Variants in HDAC4 observed in about 807,000 individuals in gnomAD.
HDAC4 encodes the protein histone deacetylase 4.
Under a neutral mutation model 135.1 loss-of-function variants are expected in HDAC4, and 16 were observed. The observed-to-expected ratio is 0.12, with a 90% confidence interval of 0.08 to 0.18. The LOEUF (loss-of-function observed/expected upper bound fraction) is 0.18, where lower values mean the gene tolerates loss of function less well. HDAC4 is among the 10% of genes least tolerant of loss of function. The pLI is 1.00. For missense variants in HDAC4, 1,143 were observed against 1,511.8 expected (o/e 0.76, Z 4.05); for synonymous variants, 685 against 653.4 (o/e 1.05, Z -0.74).
At chr2:239,371,461 A>ACC (rs1694610974) in intron 1 of HDAC4, among the ~76,000 whole-genome samples, 1 of 151,994 alleles carries the variant, frequency 6.6e-6, no homozygotes, top group Admixed American at 6.6e-5. Context: ...GCACACTCAC[A>ACC]CCCAGGCACT....
At chr2:239,147,655 G>A (rs191454878) in intron 7 of HDAC4, among the ~76,000 whole-genome samples, 14 of 152,378 alleles carry the variant, frequency 9.2e-5, no homozygotes, top group African/African-American at 2.2e-4. Context: ...GCATCAGGCC[G>A]GAGGCCTCAT....
chr2:239,110,262 A>C (rs1237922753), intron 14 of HDAC4, among the ~76,000 whole-genome samples: 1 of 152,250 alleles, frequency 6.6e-6, no homozygotes, highest in Non-Finnish European at 1.5e-5. Flanking sequence ...GTTTTTCTTT[A>C]CAATGAACAT....
At chr2:239,151,921 C>T (rs1026713006) in intron 7 of HDAC4, among the ~76,000 whole-genome samples, 8 of 152,182 alleles carry the variant, frequency 5.3e-5, no homozygotes, top group East Asian at 1.9e-4. Context: ...GTGGAGTGCA[C>T]GGTTTTCAGT....
At chr2:239,315,273 ACCTTGGG>A in intron 2 of HDAC4, among the ~76,000 whole-genome samples, 1 of 152,276 alleles carries the variant, frequency 6.6e-6, no homozygotes, top group East Asian at 1.9e-4. Context: ...TTCCCCGACC[ACCTTGGG>A]CACATGTTGT....
At chr2:239,138,117 G>A (rs2041100055) in intron 9 of HDAC4, among the ~76,000 whole-genome samples, 1 of 152,168 alleles carries the variant, frequency 6.6e-6, no homozygotes, top group Non-Finnish European at 1.5e-5. Flanking sequence ...GCATTATAAG[G>A]CTTATTACTG....
chr2:239,245,769 C>A lies in HDAC4; in HGVS notation c.23-9105G>T, dbSNP rs1195732229. ...ATGCCAGGAATAAAGACGAGCCTGC[C>A]CCCACCTTCTATTCAATATGTCTTT... is the stretch of plus-strand genomic sequence containing the variant. On this transcript the variant is annotated intron_variant, in intron 2 of 26. Transcript: ENST00000543185. The surrounding 1 kb of genome is among the most constrained non-coding windows in gnomAD (Gnocchi z 4.4). 1.3e-5 allele frequency among the ~76,000 whole-genome samples: 2 copies of A among 152,112 alleles called. No individual in the cohort carries two copies. Among genetic ancestry groups the A allele is most frequent in the Non-Finnish European group, 2.9e-5 (2 of 68,020 alleles).
At chr2:239,149,287 C>T (rs1452467752) in intron 7 of HDAC4, among the ~76,000 whole-genome samples, 2 of 151,840 alleles carry the variant, frequency 1.3e-5, no homozygotes, top group Admixed American at 1.3e-4. Context: ...GTAGTCCCAG[C>T]TACTCAGGAG....
At chr2:239,281,183 T>TA (rs1212787023) in intron 2 of HDAC4, among the ~76,000 whole-genome samples, 4 of 86,180 alleles carry the variant, frequency 4.6e-5, no homozygotes, top group African/African-American at 4.6e-5. Flanking sequence ...CACACCACTC[T>TA]CAATGTACAC....
At chr2:239,088,960 C>T (rs370177869) in intron 18 of HDAC4, among the ~76,000 whole-genome samples, 3 of 152,096 alleles carry the variant, frequency 2.0e-5, no homozygotes, top group African/African-American at 7.2e-5. Context: ...TTCCAAATGA[C>T]CAACGCACGG....
chr2:239,183,841 T>C (rs2044311943), intron 4 of HDAC4, among the ~76,000 whole-genome samples: 1 of 152,050 alleles, frequency 6.6e-6, no homozygotes, highest in Admixed American at 6.6e-5. Flanking sequence ...GCAACATCTC[T>C]TCACCTTCCT....
At chr2:239,320,413 C>CAAAT (rs1173287023) in intron 2 of HDAC4, among the ~76,000 whole-genome samples, 1 of 10,146 alleles carries the variant, frequency 9.9e-5, no homozygotes, top group Non-Finnish European at 1.8e-4. Context: ...AGTGATAAAT[C>CAAAT]AAACAAACAA....
rs1356592824 is a variant in HDAC4 at position 239,167,800 on chromosome 2, T to C, written c.491-3877A>G. On this transcript the variant is annotated intron_variant, in intron 5 of 26. Transcript: ENST00000543185. This position sits in a 1 kb window ranked among gnomAD's most constrained non-coding sequence, Gnocchi z 4.1. ...CATGGAGGCTTCTACAGAGGCTCTATGAGATGCCAGCCCGTTCTGGCCAGC... is the reference window on the plus strand; with the variant it reads ...CATGGAGGCTTCTACAGAGGCTCTACGAGATGCCAGCCCGTTCTGGCCAGC... Among the ~76,000 whole-genome samples the C allele has an allele frequency of 2.0e-5, 3 of 151,546 alleles. No homozygotes were observed. Among genetic ancestry groups the C allele is most frequent in the African/African-American group, 7.3e-5 (3 of 41,142 alleles).
intron 6 of HDAC4, 126 bp downstream of exon 6, chr2:239,163,677 T>C (rs1575251411): frequency 9.9e-7 from 1 of 1,010,004 alleles, no homozygotes; most frequent in South Asian, 1.3e-5. Context: ...GTGCTTGGGG[T>C]TTCAATTCCT....
chr2:239,124,964 C>T lies in HDAC4; in HGVS notation c.1533+1492G>A, dbSNP rs1340441779. Among the ~76,000 whole-genome samples, 2 of 150,460 alleles carry T rather than the reference C, an allele frequency of 1.3e-5. 1 individual carries two copies. The highest frequency in any genetic ancestry group is 4.9e-5 in the African/African-American group (2 of 40,748). ...ATGACATTCCACGTTATGTGACATT[C>T]TGGTGTGCTGGCGTGTGGCCGCGTT... On this transcript the variant is annotated intron_variant, in intron 12 of 26. Transcript: ENST00000543185.
intron 5 of HDAC4, among the ~76,000 whole-genome samples, chr2:239,170,031 A>G (rs996977792): frequency 1.3e-5 from 2 of 152,222 alleles, no homozygotes; most frequent in African/African-American, 4.8e-5. Flanking sequence ...TACCAGTTAA[A>G]GTGAAAAAAC....
At chr2:239,087,362 C>A (rs2036075086) in intron 19 of HDAC4, among the ~76,000 whole-genome samples, 197 bp downstream of exon 19, 1 of 152,236 alleles carries the variant, frequency 6.6e-6, no homozygotes, top group Non-Finnish European at 1.5e-5. Flanking sequence ...TCCGTCATAA[C>A]CGAGCAGTGA....
intron 2 of HDAC4, among the ~76,000 whole-genome samples, chr2:239,284,413 G>A (rs187908873): frequency 6.6e-6 from 1 of 152,266 alleles, no homozygotes; most frequent in East Asian, 1.9e-4. Context: ...GCTCCATCAC[G>A]GGGACCCTCC....
rs776712988 is a variant in HDAC4, at chr2:239,139,786, G to A, written c.876C>T (p.Cys292=). The A allele has an allele frequency of 6.2e-7, 1 of 1,613,806 alleles. No individual in the cohort carries two copies. The highest frequency in any genetic ancestry group is 8.5e-7 in the Non-Finnish European group (1 of 1,179,896). The change falls in exon 9 of 27, where the codon TGC becomes TGT. Residue 292 remains cysteine (C), a synonymous_variant. Transcript: ENST00000543185. This position sits in a 1 kb window ranked among gnomAD's most constrained non-coding sequence, Gnocchi z 5.3. ...KRPLDVTDSA[C]SSAPGSGPSS... ...TGGGTCCGGAGCCTGGGGCGCTGCT[G>A]CACGCGGAGTCTGCGGAGGCAGAAA...
intron 2 of HDAC4, among the ~76,000 whole-genome samples, chr2:239,257,615 C>T (rs890271702): frequency 4.6e-5 from 7 of 152,072 alleles, no homozygotes; most frequent in Admixed American, 3.9e-4. Flanking sequence ...ATAAATGGAC[C>T]CTCAACAATT....
Sources: gnomAD v4.1 joint callset for allele counts (sites outside exome capture counted in the v4.1 genomes callset) on GRCh38, gnomAD v4.1.1 for gene constraint, Gnocchi (gnomAD v3.1) non-coding constraint, MANE v1.5 for transcripts, NCBI Gene and HGNC (gene_info 2026-07-23, HGNC 2026-07-21) for gene names.